IGSF11: variants seen among roughly 807,000 people sequenced by gnomAD.
IGSF11 encodes CXADR like 1.
A neutral mutation model predicts 41.0 loss-of-function variants in IGSF11; 22 were observed. The observed-to-expected ratio is 0.54, with a 90% CI of 0.38 to 0.77. The LOEUF (loss-of-function observed/expected upper bound fraction) is 0.77, where lower values mean the gene tolerates loss of function less well. Ranked by LOEUF, IGSF11 falls within the 30% of genes least tolerant of loss-of-function variation. IGSF11 has a pLI of 0.00. For synonymous variants in IGSF11, 219 were observed against 201.3 expected (o/e 1.09, Z -0.74); for missense variants, 444 against 530.8 (o/e 0.84, Z 1.61).
chr3:119,007,812 A>C (rs1937609255), intron 1 of IGSF11, among the ~76,000 whole-genome samples: 1 of 152,164 alleles, frequency 6.6e-6, no homozygotes, highest in Non-Finnish European at 1.5e-5. Flanking sequence ...TATTTTGAAG[A>C]ATGTATCTTG....
At chr3:119,000,684 C>A (rs1431176205) in intron 1 of IGSF11, among the ~76,000 whole-genome samples, 1 of 152,006 alleles carries the variant, frequency 6.6e-6, no homozygotes, top group Admixed American at 6.6e-5. Flanking sequence ...GTAGTGTGTC[C>A]TCTTAATCAG....
intron 1 of IGSF11, among the ~76,000 whole-genome samples, chr3:118,940,265 C>T (rs568202439): frequency 2.0e-5 from 3 of 152,226 alleles, no homozygotes; most frequent in East Asian, 1.9e-4. Context: ...GCAGATAACA[C>T]ATCTACATTA....
intron 1 of IGSF11, among the ~76,000 whole-genome samples, chr3:119,058,666 T>G (rs373251046): frequency 3.9e-5 from 6 of 152,142 alleles, no homozygotes; most frequent in Admixed American, 3.3e-4. Flanking sequence ...TATAAAGACA[T>G]ATGCACATGT....
chr3:118,927,132 T>C (rs1164834789), intron 3 of IGSF11, among the ~76,000 whole-genome samples: 11 of 151,440 alleles, frequency 7.3e-5, no homozygotes, highest in African/African-American at 2.4e-4. Flanking sequence ...TAAAAGGATA[T>C]AGGTAGGAAG....
intron 4 of IGSF11, among the ~76,000 whole-genome samples, chr3:118,913,404 C>T (rs999914728): frequency 6.6e-6 from 1 of 152,006 alleles, no homozygotes; most frequent in African/African-American, 2.4e-5. Context: ...ACACCAAGTA[C>T]AAAACAACTG....
intron 1 of IGSF11, among the ~76,000 whole-genome samples, chr3:118,984,022 G>A (rs114572018): frequency 2.6e-5 from 4 of 151,862 alleles, no homozygotes; most frequent in Non-Finnish European, 5.9e-5. Context: ...AACCTTCCTA[G>A]GGGGTTCAAA....
chr3:118,925,905 C>A (rs1187271908), intron 4 of IGSF11, 196 bp downstream of exon 4: 3 of 349,820 alleles, frequency 8.6e-6, no homozygotes, highest in East Asian at 8.7e-5. Context: ...GGATGAAATA[C>A]ATTTCATAAA....
At chr3:118,961,268 G>A (rs1945314181) in intron 1 of IGSF11, among the ~76,000 whole-genome samples, 1 of 152,184 alleles carries the variant, frequency 6.6e-6, no homozygotes, top group Non-Finnish European at 1.5e-5. Context: ...CCTGCACTGT[G>A]GTCGTAGACA....
intron 1 of IGSF11, among the ~76,000 whole-genome samples, chr3:119,065,752 C>T (rs1238591232): frequency 7.1e-6 from 1 of 140,156 alleles, no homozygotes; most frequent in Non-Finnish European, 1.5e-5. Flanking sequence ...AACATCGCAC[C>T]ACTGCACTCC....
At chr3:119,134,881 C>T (rs1372753148) in intron 1 of IGSF11, among the ~76,000 whole-genome samples, 1 of 152,078 alleles carries the variant, frequency 6.6e-6, no homozygotes, top group Non-Finnish European at 1.5e-5. Context: ...ACCAATAGAA[C>T]CGAACAGAGG....
chr3:119,062,554 G>A (rs568725489), intron 1 of IGSF11, among the ~76,000 whole-genome samples: 14 of 152,270 alleles, frequency 9.2e-5, no homozygotes, highest in African/African-American at 1.9e-4. Flanking sequence ...ATATTATTGC[G>A]AGGTTCTAAA....
chr3:119,127,433 C>A (rs1238118112), intron 1 of IGSF11, among the ~76,000 whole-genome samples: 2 of 151,878 alleles, frequency 1.3e-5, no homozygotes, highest in Non-Finnish European at 2.9e-5. Context: ...AGAATGGAAA[C>A]AAGATGGAAA....
intron 1 of IGSF11, among the ~76,000 whole-genome samples, chr3:118,966,137 T>C (rs1229182791): frequency 6.6e-6 from 1 of 152,054 alleles, no homozygotes; most frequent in African/African-American, 2.4e-5. Flanking sequence ...GGGGCTAGGA[T>C]TGTCTTCCCC....
intron 1 of IGSF11, among the ~76,000 whole-genome samples, chr3:118,953,492 T>C (rs1944731751): frequency 6.6e-6 from 1 of 152,242 alleles, no homozygotes; most frequent in African/African-American, 2.4e-5. Flanking sequence ...TTTTCCATAG[T>C]GGTTGTACTA....
chr3:118,944,695 A>G (rs1039274136), intron 1 of IGSF11, among the ~76,000 whole-genome samples: 1 of 152,220 alleles, frequency 6.6e-6, no homozygotes, highest in Non-Finnish European at 1.5e-5. Flanking sequence ...CTCGGGTCTC[A>G]GCACACAGAG....
rs10575505 is a variant in IGSF11 at position 118,935,301 on chromosome 3, CATATAT to C, written c.53-5032_53-5027del. Among the ~76,000 whole-genome samples, 143 of 122,250 alleles carry C rather than the reference CATATAT, an allele frequency of 1.2e-3. 1 individual carries two copies. Among genetic ancestry groups the C allele is most frequent in the African/African-American group, 4.2e-3 (136 of 32,014 alleles). 80.2% of individuals were successfully genotyped at this position (122,250 alleles called of 152,430 possible). Reference sequence around the variant, plus strand: ...CTGAGGAAATATCAGGGTGTATATACATATATATATATATATATGTATATACACCCT... The same window carrying C: ...CTGAGGAAATATCAGGGTGTATATACATATATATATATGTATATACACCCT... On this transcript the variant is annotated intron_variant, in intron 1 of 6. Transcript: ENST00000393775.
intron 5 of IGSF11, 73 bp downstream of exon 5, chr3:118,905,523 C>T: frequency 1.3e-6 from 2 of 1,522,180 alleles, no homozygotes; most frequent in Non-Finnish European, 1.8e-6. Flanking sequence ...CAGCAGAACC[C>T]TTCATTTTCT....
chr3:119,115,829 TA>T (rs981143477), intron 1 of IGSF11, among the ~76,000 whole-genome samples: 1 of 152,114 alleles, frequency 6.6e-6, no homozygotes, highest in Non-Finnish European at 1.5e-5. Context: ...AATGAGGTGA[TA>T]AAAAAATTAG....
chr3:119,107,050 G>A (rs1356919290), upstream of IGSF11, among the ~76,000 whole-genome samples: 1 of 152,116 alleles, frequency 6.6e-6, no homozygotes, highest in Non-Finnish European at 1.5e-5. Context: ...ATCAACATAC[G>A]TGTGCATGTG....
Sources: allele counts gnomAD v4.1 joint callset (sites outside exome capture counted in the v4.1 genomes callset), GRCh38; gene constraint gnomAD v4.1.1; transcripts MANE v1.5; gene names NCBI Gene and HGNC (gene_info 2026-07-23, HGNC 2026-07-21).